TMEM132C: variants seen among roughly 807,000 people sequenced by gnomAD.
TMEM132C encodes protein phosphatase 1, regulatory subunit 152.
In TMEM132C, 29 loss-of-function variants were observed where a neutral mutation model predicts 61.4. That is an observed-to-expected ratio of 0.47 (90% CI 0.35 to 0.64). The LOEUF is 0.64. TMEM132C is among the 30% of genes least tolerant of loss of function. TMEM132C has a pLI of 0.00. For missense variants in TMEM132C, 1,408 were observed against 1,476.9 expected, an observed-to-expected ratio of 0.95 and a Z score of 0.76; for synonymous variants, 656 against 633.1, an observed-to-expected ratio of 1.04 and a Z score of -0.54.
intron 3 of TMEM132C, among the ~76,000 whole-genome samples, chr12:128,589,993 G>A (rs1172671598): frequency 6.6e-6 from 1 of 152,156 alleles, no homozygotes; most frequent in Non-Finnish European, 1.5e-5. Context: ...CCTTCCTCAA[G>A]AGGAAGAAAA....
At position 128,415,276 on chromosome 12, in the gene TMEM132C, G is replaced by T. The variant is rs1244941946; in HGVS notation, c.630G>T (p.Val210=). The change falls in exon 2 of 9, where the codon GTG becomes GTT. Residue 210 remains valine (V), a synonymous_variant. Coordinates refer to ENST00000435159, the MANE Select transcript of TMEM132C (RefSeq NM_001136103.3). This position sits in a 1 kb window ranked among gnomAD's most constrained non-coding sequence, Gnocchi z 5.8. ...CCAGCTGGTTCAGTGCCCCGACGGT[G>T]GGTGCCGGGAGGAAGAAGTCCATGG... ...LLSSWFSAPT[V]GAGRKKSMDQ... The T allele has an allele frequency of 6.3e-7, 1 of 1,598,774 alleles. No homozygotes were observed. Among genetic ancestry groups the T allele is most frequent in the South Asian group, 1.1e-5 (1 of 88,762 alleles).
chr12:128,458,560 C>T (rs1035958786), intron 2 of TMEM132C, among the ~76,000 whole-genome samples: 1 of 152,052 alleles, frequency 6.6e-6, no homozygotes, highest in African/African-American at 2.4e-5. Context: ...TGACTACCAC[C>T]AGGCACCTTT....
intron 2 of TMEM132C, among the ~76,000 whole-genome samples, chr12:128,519,154 G>A (rs1427122842): frequency 2.0e-5 from 3 of 152,134 alleles, no homozygotes; most frequent in African/African-American, 7.2e-5. Flanking sequence ...CCCCTCATCA[G>A]TACATCCTGG....
At chr12:128,397,916 T>C (rs1487062625) in intron 1 of TMEM132C, among the ~76,000 whole-genome samples, 3 of 152,170 alleles carry the variant, frequency 2.0e-5, no homozygotes, top group Non-Finnish European at 4.4e-5. Context: ...GTGTGCTCCC[T>C]ACAGAAGCAA....
intron 2 of TMEM132C, among the ~76,000 whole-genome samples, chr12:128,526,240 C>A (rs1873080962): frequency 6.6e-6 from 1 of 152,228 alleles, no homozygotes; most frequent in African/African-American, 2.4e-5. Flanking sequence ...ACACCATAGG[C>A]TGGGTGGCTT....
intron 1 of TMEM132C, among the ~76,000 whole-genome samples, chr12:128,355,146 C>T (rs1444019074): frequency 2.0e-5 from 3 of 152,186 alleles, no homozygotes; most frequent in Non-Finnish European, 1.5e-5. Flanking sequence ...TTTAAGCCCG[C>T]AGAAGCCCAA....
chr12:128,387,829 G>A (rs949165365), intron 1 of TMEM132C, among the ~76,000 whole-genome samples: 2 of 152,152 alleles, frequency 1.3e-5, no homozygotes, highest in Admixed American at 6.5e-5. Flanking sequence ...AAAAATCACG[G>A]AGGCAATTTT....
intron 1 of TMEM132C, among the ~76,000 whole-genome samples, chr12:128,273,512 G>T (rs1173101706): frequency 6.6e-6 from 1 of 152,020 alleles, no homozygotes; most frequent in Admixed American, 6.6e-5. Flanking sequence ...TGTCTTTTAA[G>T]TGTAATGTTT....
intron 4 of TMEM132C, among the ~76,000 whole-genome samples, chr12:128,621,886 T>C (rs1191122182): frequency 6.6e-6 from 1 of 152,178 alleles, no homozygotes; most frequent in Non-Finnish European, 1.5e-5. Context: ...CCCTCCGTTA[T>C]GCCCACAGCT....
chr12:128,563,853 G>T (rs1874605918), intron 3 of TMEM132C, among the ~76,000 whole-genome samples: 1 of 152,078 alleles, frequency 6.6e-6, no homozygotes, highest in Non-Finnish European at 1.5e-5. Context: ...CAGATTGGTC[G>T]GCTTAACCCA....
At chr12:128,637,846 C>T (rs574158014) in intron 4 of TMEM132C, among the ~76,000 whole-genome samples, 8 of 152,296 alleles carry the variant, frequency 5.3e-5, no homozygotes, top group Admixed American at 1.3e-4. Flanking sequence ...AGTTCAACTG[C>T]GAATATTTGT....
intron 1 of TMEM132C, among the ~76,000 whole-genome samples, chr12:128,336,538 A>T (rs1354542795): frequency 1.3e-5 from 2 of 152,186 alleles, no homozygotes; most frequent in African/African-American, 2.4e-5. Context: ...CTTTTATTTT[A>T]TAAGTTAAAT....
intron 3 of TMEM132C, among the ~76,000 whole-genome samples, chr12:128,602,352 A>G (rs991699455): frequency 3.3e-5 from 5 of 152,220 alleles, no homozygotes; most frequent in African/African-American, 4.8e-5. Flanking sequence ...CCCACATTCT[A>G]TCTGGTGGCA....
Position 128,662,586 on chromosome 12 carries a change from G to A in TMEM132C, c.1306-6831G>A, listed in dbSNP as rs986589030. ...TCAAATGTGGCTGAATCATGTATGG[G>A]CTATGTCCCCAGACAAGTCAGTCAC... On this transcript the variant is annotated intron_variant, in intron 4 of 8. Transcript: ENST00000435159. Among the ~76,000 whole-genome samples the A allele has an allele frequency of 1.3e-5, 2 of 152,134 alleles. 1 individual carries two copies. Among genetic ancestry groups the A allele is most frequent in the Admixed American group, 1.3e-4 (2 of 15,282 alleles).
intron 4 of TMEM132C, among the ~76,000 whole-genome samples, chr12:128,662,444 A>G (rs1172193019): frequency 1.3e-5 from 2 of 152,212 alleles, no homozygotes; most frequent in African/African-American, 4.8e-5. Context: ...GGAGCATTTA[A>G]ATAATAGCAA....
intron 1 of TMEM132C, among the ~76,000 whole-genome samples, chr12:128,347,217 G>C (rs971102633): frequency 6.6e-6 from 1 of 152,006 alleles, no homozygotes; most frequent in Admixed American, 6.6e-5. Flanking sequence ...TAGAATAATG[G>C]ACTCCAACTC....
intron 3 of TMEM132C, among the ~76,000 whole-genome samples, chr12:128,550,319 TC>T (rs1394101221): frequency 6.6e-6 from 1 of 151,614 alleles, no homozygotes; most frequent in Non-Finnish European, 1.5e-5. Context: ...TTTTTTTTTT[TC>T]GAGACAGGGT....
chr12:128,346,063 A>G (rs1390062762), intron 1 of TMEM132C, among the ~76,000 whole-genome samples: 2 of 152,040 alleles, frequency 1.3e-5, no homozygotes, highest in African/African-American at 4.8e-5. Context: ...TAATTTTTGT[A>G]TATGGTATCC....
intron 2 of TMEM132C, among the ~76,000 whole-genome samples, chr12:128,510,744 C>A (rs1038765629): frequency 6.6e-6 from 1 of 152,220 alleles, no homozygotes; most frequent in South Asian, 2.1e-4. Context: ...CTTCCCCAGG[C>A]AGGATCAAAG....
Sources: gnomAD v4.1 joint callset for allele counts (sites outside exome capture counted in the v4.1 genomes callset) on GRCh38, gnomAD v4.1.1 for gene constraint, Gnocchi (gnomAD v3.1) non-coding constraint, MANE v1.5 for transcripts, NCBI Gene and HGNC (gene_info 2026-07-23, HGNC 2026-07-21) for gene names.